The following METTL24 variants were observed in gnomAD, a reference collection of about 807,000 sequenced individuals.
METTL24 encodes probable methyltransferase-like protein 24.
A neutral mutation model predicts 32.7 loss-of-function variants in METTL24; 29 were observed. The ratio of observed to expected loss-of-function variants is 0.89; its 90% CI spans 0.66 to 1.21. The LOEUF (loss-of-function observed/expected upper bound fraction) is 1.21, where lower values mean the gene tolerates loss of function less well. Among genes scored for constraint, METTL24 ranks in the 50% most tolerant of loss-of-function variants. The pLI is 0.00. For missense variants in METTL24, 439 were observed against 468.1 expected (o/e 0.94, Z 0.57); for synonymous variants, 163 against 179.5 (o/e 0.91, Z 0.73).
At chr6:110,312,279 G>A (rs1322126314) in intron 3 of METTL24, among the ~76,000 whole-genome samples, 4 of 152,190 alleles carry the variant, frequency 2.6e-5, no homozygotes, top group Admixed American at 2.6e-4. Flanking sequence ...AGCCATTATG[G>A]AAAACAGTAT....
rs563181785 is a variant in METTL24 at position 110,253,961 on chromosome 6, G to A, written c.787-7701C>T. On this transcript the variant is annotated intron_variant, in intron 4 of 4. Coordinates refer to ENST00000338882, the MANE Select transcript of METTL24 (RefSeq NM_001123364.3). ...GGGGTGAGGAGGATGGCAAGTGGGT[G>A]AAGGTCCAGACCTCAACTCAAGAGC... 192 of 1,437,136 alleles carry A rather than the reference G, an allele frequency of 1.3e-4. 1 individual carries two copies. In the African/African-American group the frequency reaches 2.6e-3, roughly 19 times the overall value. 89.0% of individuals were successfully genotyped at this position (1,437,136 alleles called of 1,614,324 possible).
At chr6:110,296,523 A>G (rs1237561914) in intron 4 of METTL24, among the ~76,000 whole-genome samples, 1 of 152,184 alleles carries the variant, frequency 6.6e-6, no homozygotes, top group East Asian at 1.9e-4. Flanking sequence ...ATTACCAAAG[A>G]GTTTTAAAAG....
chr6:110,315,260 T>C, intron 3 of METTL24, 82 bp downstream of exon 3: 1 of 1,525,170 alleles, frequency 6.6e-7, no homozygotes, highest in Non-Finnish European at 9.0e-7. Context: ...CTGCAACCAT[T>C]TCTAACTTTG....
At chr6:110,274,277 G>A (rs13209857) in intron 4 of METTL24, among the ~76,000 whole-genome samples, 1 of 152,172 alleles carries the variant, frequency 6.6e-6, no homozygotes, top group African/African-American at 2.4e-5. Context: ...ATTTTTAGTA[G>A]AGACAGGGTT....
intron 4 of METTL24, among the ~76,000 whole-genome samples, chr6:110,277,308 A>T (rs1001705130): frequency 6.6e-6 from 1 of 152,198 alleles, no homozygotes; most frequent in Non-Finnish European, 1.5e-5. Flanking sequence ...AGATGCTGTT[A>T]CATACAGGAC....
intron 1 of METTL24, among the ~76,000 whole-genome samples, chr6:110,333,240 A>G (rs1403748897): frequency 6.6e-6 from 1 of 152,072 alleles, no homozygotes; most frequent in Non-Finnish European, 1.5e-5. Context: ...CTGCACCCCT[A>G]TAAACCCATT....
Position 110,245,835 on chromosome 6 carries a change from T to C in METTL24, c.*111A>G, listed in dbSNP as rs1177893323. The C allele has an allele frequency of 7.1e-6, 8 of 1,120,536 alleles. No homozygotes were observed. In the Admixed American group the frequency reaches 1.7e-4, roughly 24 times the overall value. The allele number at this position is 1,120,536 out of a possible 1,614,324, so 69.4% of individuals were successfully genotyped here. Reference sequence around the variant, plus strand: ...TGCCCGCAATAACACACTCCCTGCCTCAAGCAGGGCACAGGCTAGCAGGAG... The same window carrying C: ...TGCCCGCAATAACACACTCCCTGCCCCAAGCAGGGCACAGGCTAGCAGGAG... On this transcript the variant is annotated 3_prime_UTR_variant, in exon 5 of 5. Transcript: ENST00000338882.
chr6:110,258,821 C>CAA (rs1252293736), intron 4 of METTL24, among the ~76,000 whole-genome samples: 4 of 146,394 alleles, frequency 2.7e-5, no homozygotes, highest in East Asian at 2.0e-4. Flanking sequence ...CACACACACA[C>CAA]AACAAAACAA....
At chr6:110,274,606 G>T (rs1771012250) in intron 4 of METTL24, among the ~76,000 whole-genome samples, 1 of 151,946 alleles carries the variant, frequency 6.6e-6, no homozygotes, top group Non-Finnish European at 1.5e-5. Flanking sequence ...CACCACAAAA[G>T]AACTTATCCA....
chr6:110,298,771 G>A (rs1398375829), intron 4 of METTL24, 151 bp downstream of exon 4: 12 of 682,860 alleles, frequency 1.8e-5, no homozygotes, highest in South Asian at 9.4e-5. Flanking sequence ...TATGTCTAGA[G>A]TTGACTCTAT....
At chr6:110,258,839 GAAAAC>G (rs1194282407) in intron 4 of METTL24, among the ~76,000 whole-genome samples, 1 of 147,810 alleles carries the variant, frequency 6.8e-6, no homozygotes, top group Non-Finnish European at 1.5e-5. Flanking sequence ...CAAAACAAAA[GAAAAC>G]AAAACAAAAC....
chr6:110,285,812 G>T (rs1460194071), intron 4 of METTL24, among the ~76,000 whole-genome samples: 1 of 152,192 alleles, frequency 6.6e-6, no homozygotes, highest in Non-Finnish European at 1.5e-5. Flanking sequence ...GAGGCACTTG[G>T]TTCTCATTCC....
chr6:110,346,228 A>G (rs564534986), intron 1 of METTL24, among the ~76,000 whole-genome samples: 1 of 152,350 alleles, frequency 6.6e-6, no homozygotes, highest in South Asian at 2.1e-4. Flanking sequence ...CCAGTGATAG[A>G]AACAACCATT....
chr6:110,246,367 T>C, intron 4 of METTL24, 107 bp from the exon 5 acceptor site: 1 of 1,013,780 alleles, frequency 9.9e-7, no homozygotes, highest in Non-Finnish European at 1.4e-6. Context: ...TTTAAAATTT[T>C]AGAGCTGAGG....
At chr6:110,266,136 A>T (rs1017474875) in intron 4 of METTL24, among the ~76,000 whole-genome samples, 1 of 151,972 alleles carries the variant, frequency 6.6e-6, no homozygotes, top group African/African-American at 2.4e-5. Flanking sequence ...AACTCCTGGC[A>T]TCAAGCGATC....
At chr6:110,329,408 T>C (rs1033712470) in intron 1 of METTL24, among the ~76,000 whole-genome samples, 2 of 151,350 alleles carry the variant, frequency 1.3e-5, no homozygotes, top group Non-Finnish European at 2.9e-5. Flanking sequence ...TAGATTTATT[T>C]AGCAATTTTG....
intron 1 of METTL24, chr6:110,332,292 T>C (rs1186173580): frequency 3.2e-5 from 5 of 154,770 alleles, no homozygotes; most frequent in African/African-American, 1.2e-4. Flanking sequence ...GTTCTTAAAT[T>C]GACATCTTTA....
intron 2 of METTL24, among the ~76,000 whole-genome samples, chr6:110,317,589 G>C (rs1352072390): frequency 6.6e-6 from 1 of 151,956 alleles, no homozygotes; most frequent in Non-Finnish European, 1.5e-5. Context: ...ATCTGCTTGG[G>C]GGAAGTCTCC....
rs1050799331 is a variant in METTL24 at position 110,342,304 on chromosome 6, G to C, written c.318+15651C>G. ...ATGCCTGGGGAGCTGTTGGGAGAGG[G>C]AGCACCATGAAGTTCACCAGCAGCC... On this transcript the variant is annotated intron_variant, in intron 1 of 4. Coordinates refer to ENST00000338882, the MANE Select transcript of METTL24 (RefSeq NM_001123364.3). Among the ~76,000 whole-genome samples, 4 of 152,274 alleles carry C rather than the reference G, an allele frequency of 2.6e-5. No homozygotes were observed. In the Middle Eastern group the frequency reaches 0.01, roughly 388 times the overall value.
Sources: allele counts gnomAD v4.1 joint callset (sites outside exome capture counted in the v4.1 genomes callset), GRCh38; gene constraint gnomAD v4.1.1; transcripts MANE v1.5; gene names NCBI Gene and HGNC (gene_info 2026-07-23, HGNC 2026-07-21).